Variants in ARHGEF7 observed in about 807,000 individuals in gnomAD.
ARHGEF7 encodes the protein PAK-interacting exchange factor beta.
In ARHGEF7, 33 loss-of-function variants were observed where a neutral mutation model predicts 109.8. The ratio of observed to expected loss-of-function variants is 0.30; its 90% CI spans 0.23 to 0.40. The LOEUF (loss-of-function observed/expected upper bound fraction) is 0.40, where lower values mean the gene tolerates loss of function less well. Ranked by LOEUF, ARHGEF7 falls within the 10% of genes least tolerant of loss-of-function variation. ARHGEF7 has a pLI of 1.00. For synonymous variants in ARHGEF7, 458 were observed against 424.6 expected, an observed-to-expected ratio of 1.08 and a Z score of -0.97; for missense variants, 938 against 1,098.5, an observed-to-expected ratio of 0.85 and a Z score of 2.07.
chr13:111,302,699 C>T (rs556814558), intron 21 of ARHGEF7, among the ~76,000 whole-genome samples: 24 of 152,286 alleles, frequency 1.6e-4, no homozygotes, highest in South Asian at 8.3e-4. Flanking sequence ...CTGTCTCGTC[C>T]GCAGTTTCCA....
intron 21 of ARHGEF7, among the ~76,000 whole-genome samples, chr13:111,302,151 T>A (rs991517090): frequency 1.3e-5 from 2 of 152,222 alleles, no homozygotes; most frequent in Non-Finnish European, 2.9e-5. Flanking sequence ...GCATGGTCCT[T>A]GGCTCCCGAA....
intron 19 of ARHGEF7, among the ~76,000 whole-genome samples, chr13:111,296,479 A>G (rs1323059774): frequency 1.3e-5 from 2 of 152,194 alleles, no homozygotes; most frequent in Non-Finnish European, 2.9e-5. Flanking sequence ...CTACAGGCAC[A>G]TTCTTGGAGT....
intron 1 of ARHGEF7, among the ~76,000 whole-genome samples, chr13:111,121,372 G>C (rs114724230): frequency 1.9e-4 from 29 of 150,152 alleles, no homozygotes; most frequent in African/African-American, 6.1e-4. Context: ...TTTCCACTTA[G>C]TCCAAGATTT....
chr13:111,163,143 G>A (rs1024575992), intron 2 of ARHGEF7, among the ~76,000 whole-genome samples: 2 of 152,234 alleles, frequency 1.3e-5, no homozygotes, highest in Non-Finnish European at 2.9e-5. Context: ...TTATTCCTGT[G>A]TAGGACTTTA....
rs7331950 is a variant in ARHGEF7, at chr13:111,230,018, T to C, written c.671-3187T>C. 5.9e-3 allele frequency among the ~76,000 whole-genome samples: 895 copies of C among 152,346 alleles called. 9 individuals are homozygous for C. The highest frequency in any genetic ancestry group is 0.021 in the African/African-American group (877 of 41,572). ...GGAGCAGGTCTGTTTTCTTCCTGCG[T>C]TGGGTGTAGCCCCAGCTGCTGGAGC... On this transcript the variant is annotated intron_variant, in intron 5 of 21. Transcript: ENST00000646102.
At chr13:111,250,421 T>A (rs1005170108) in intron 8 of ARHGEF7, among the ~76,000 whole-genome samples, 31 of 152,276 alleles carry the variant, frequency 2.0e-4, no homozygotes, top group African/African-American at 7.5e-4. Context: ...AGACAGATAA[T>A]TGAAAATTGT....
intron 19 of ARHGEF7, among the ~76,000 whole-genome samples, chr13:111,297,557 A>G (rs2093455033): frequency 6.6e-6 from 1 of 152,234 alleles, no homozygotes; most frequent in Non-Finnish European, 1.5e-5. Flanking sequence ...GATATTTACA[A>G]AATGTAATAT....
chr13:111,264,239 T>TG (rs966289973), intron 8 of ARHGEF7, among the ~76,000 whole-genome samples: 1 of 152,226 alleles, frequency 6.6e-6, no homozygotes, highest in African/African-American at 2.4e-5. Context: ...CTTGCATTGA[T>TG]GGAAACATGC....
At chr13:111,293,569 C>CCA (rs1424628713) in intron 19 of ARHGEF7, 1 of 985,210 alleles carries the variant, frequency 1.0e-6, no homozygotes, top group East Asian at 1.1e-4. Context: ...AGCATCAAAT[C>CCA]CACACCTAGT....
chr13:111,258,958 C>T lies in ARHGEF7; in HGVS notation c.951-8590C>T, dbSNP rs76032227. Among the ~76,000 whole-genome samples the T allele has an allele frequency of 0.022, 3,337 of 152,182 alleles. 123 individuals carry two copies. The highest frequency in any genetic ancestry group is 0.076 in the African/African-American group (3,174 of 41,496). ...AAACAGGCAGTACTTGCTGCAGGCC[C>T]GGTGGTGGCTACAGGGAGAGGTTTC... On this transcript the variant is annotated intron_variant, in intron 8 of 21. Transcript: ENST00000646102. The surrounding 1 kb of genome is among the most constrained non-coding windows in gnomAD (Gnocchi z 4.4).
chr13:111,278,496 A>G (rs2092613004), intron 13 of ARHGEF7, among the ~76,000 whole-genome samples: 1 of 152,218 alleles, frequency 6.6e-6, no homozygotes, highest in Non-Finnish European at 1.5e-5. Context: ...CTAAGCAGAC[A>G]CTATGCCCTC....
intron 2 of ARHGEF7, among the ~76,000 whole-genome samples, chr13:111,202,145 T>A (rs1435215545): frequency 6.6e-6 from 1 of 152,234 alleles, no homozygotes; most frequent in Admixed American, 6.5e-5. Flanking sequence ...GGATAGATCC[T>A]AAAGCGTATT....
At chr13:111,175,904 CTT>C (rs1386402353) in intron 2 of ARHGEF7, among the ~76,000 whole-genome samples, 1 of 152,190 alleles carries the variant, frequency 6.6e-6, no homozygotes, top group Non-Finnish European at 1.5e-5. Flanking sequence ...ACACGTCCTT[CTT>C]TACATGGCGG....
intron 1 of ARHGEF7, among the ~76,000 whole-genome samples, chr13:111,153,092 C>T (rs1019461528): frequency 6.6e-6 from 1 of 152,388 alleles, no homozygotes; most frequent in East Asian, 1.9e-4. Flanking sequence ...GAAAACATTG[C>T]ACCTTAATCC....
chr13:111,232,862 AT>A (rs1263920660), intron 5 of ARHGEF7, among the ~76,000 whole-genome samples: 2 of 152,094 alleles, frequency 1.3e-5, no homozygotes, highest in African/African-American at 4.8e-5. Flanking sequence ...AATGCCTTTT[AT>A]TTGGGTGACG....
At chr13:111,179,785 C>A (rs2078559864) in intron 2 of ARHGEF7, among the ~76,000 whole-genome samples, 1 of 152,158 alleles carries the variant, frequency 6.6e-6, no homozygotes, top group South Asian at 2.1e-4. Flanking sequence ...GTGTAGCATG[C>A]CCTACAGTCT....
chr13:111,155,512 C>T (rs78469428), intron 2 of ARHGEF7, among the ~76,000 whole-genome samples: 5,805 of 152,242 alleles, frequency 0.038, 155 homozygotes, highest in Middle Eastern at 0.075. Flanking sequence ...AGGGCCTTTT[C>T]AAAGGGGAAA....
At chr13:111,294,121 G>T (rs762603098) in intron 19 of ARHGEF7, 1 of 985,268 alleles carries the variant, frequency 1.0e-6, no homozygotes, top group African/African-American at 1.7e-5. Flanking sequence ...GTTAATCTCC[G>T]GCAGAGATGG....
At chr13:111,211,846 C>T (rs576123891) in intron 4 of ARHGEF7, among the ~76,000 whole-genome samples, 149 of 152,338 alleles carry the variant, frequency 9.8e-4, no homozygotes, top group Middle Eastern at 3.4e-3. Flanking sequence ...CTTTTGTGTG[C>T]ATTTGAACAT....
Sources: allele counts gnomAD v4.1 joint callset (sites outside exome capture counted in the v4.1 genomes callset), GRCh38; gene constraint gnomAD v4.1.1; non-coding constraint Gnocchi (gnomAD v3.1); transcripts MANE v1.5; gene names NCBI Gene and HGNC (gene_info 2026-07-23, HGNC 2026-07-21).